The following SETDB1 variants were observed in gnomAD, a reference collection of about 807,000 sequenced individuals.
SETDB1 encodes histone-lysine N-methyltransferase SETDB1.
Under a neutral mutation model 137.4 loss-of-function variants are expected in SETDB1, and 31 were observed. The ratio of observed to expected loss-of-function variants is 0.23; its 90% CI spans 0.17 to 0.30. SETDB1 has a LOEUF of 0.30. SETDB1 is among the 10% of genes least tolerant of loss of function. SETDB1 has a pLI of 1.00. For synonymous variants in SETDB1, 548 were observed against 579.9 expected, an observed-to-expected ratio of 0.95 and a Z score of 0.79; for missense variants, 1,113 against 1,631.5, an observed-to-expected ratio of 0.68 and a Z score of 5.47.
chr1:150,956,249 G>A (rs4970932), intron 14 of SETDB1, among the ~76,000 whole-genome samples: 67,196 of 151,728 alleles, frequency 0.44, 15,952 homozygotes, highest in Non-Finnish European at 0.54. Flanking sequence ...AGCCATGTGC[G>A]GTGGCAGGCG....
rs964887435 is a variant in SETDB1 at position 150,962,609 on chromosome 1, T to C, written c.3184T>C (p.Tyr1062His). The change falls in exon 18 of 22, where the codon TAC becomes CAC. Residue 1062 changes from tyrosine (Y) to histidine (H), a missense_variant. Tyr to His is a moderately conservative substitution (Grantham distance 83). Transcript: ENST00000692827. ...MSVVTESSRN[Y>H]GYNPSPVKPE... ...TAGAGTTACTGAAAGCTCTCGAAAT[T>C]ACGGTTACAATCCTTCTCCTGTGAA... 6.2e-6 allele frequency: 10 copies of C among 1,613,972 alleles called. No individual in the cohort carries two copies. The highest frequency in any genetic ancestry group is 8.5e-6 in the Non-Finnish European group (10 of 1,179,956).
chr1:150,926,531 T>C lies in SETDB1; in HGVS notation c.-12+14T>C, dbSNP rs1553237649. On this transcript the variant is annotated intron_variant, in intron 1 of 21. Transcript: ENST00000692827. The stretch of plus-strand genomic sequence containing the variant: ...GGAAGACGGGAGGTGCGGGGAATAC[T>C]GTTGAGTTATTTGGTGACCAAAGGC... The C allele has an allele frequency of 1.4e-5, 5 of 352,706 alleles. No individual in the cohort carries two copies. 21.8% of individuals were successfully genotyped at this position (352,706 alleles called of 1,614,324 possible).
At chr1:150,942,165 G>C (rs1222884634) in intron 5 of SETDB1, among the ~76,000 whole-genome samples, 2 of 149,968 alleles carry the variant, frequency 1.3e-5, no homozygotes, top group East Asian at 3.9e-4. Flanking sequence ...AATTGGCCGG[G>C]CACAGTGGCT....
Position 150,942,556 on chromosome 1 carries a change from T to C in SETDB1, c.548-7T>C. The C allele has an allele frequency of 6.2e-7, 1 of 1,608,658 alleles. No homozygotes were observed. The highest frequency in any genetic ancestry group is 8.5e-7 in the Non-Finnish European group (1 of 1,177,862). On this transcript the variant is annotated splice_polypyrimidine_tract_variant and splice_region_variant and intron_variant, in intron 5 of 21. Coordinates refer to ENST00000692827, the MANE Select transcript of SETDB1 (RefSeq NM_001366418.1). ...AACTCTTGAGAATAACTTTGCTTCT[T>C]CTATAGGAACCTTGAGTCAGATGTC... is the stretch of plus-strand genomic sequence containing the variant.
chr1:150,927,593 T>G (rs368017238), intron 1 of SETDB1, 111 bp from the exon 2 acceptor site: 1 of 928,018 alleles, frequency 1.1e-6, no homozygotes, highest in Admixed American at 2.5e-5. Flanking sequence ...AATATTTGAA[T>G]AGAATAACAG....
intron 14 of SETDB1, 96 bp downstream of exon 14, chr1:150,951,577 G>A: frequency 3.1e-6 from 2 of 652,944 alleles, no homozygotes; most frequent in South Asian, 4.7e-5. Flanking sequence ...TCTAAAAATT[G>A]GAACCAAAAA....
intron 14 of SETDB1, among the ~76,000 whole-genome samples, chr1:150,958,568 T>C (rs138048679): frequency 9.9e-5 from 15 of 152,200 alleles, no homozygotes; most frequent in African/African-American, 2.9e-4. Context: ...TTCATTGTTA[T>C]GTTTCCAGTG....
In SETDB1 at chr1:150,964,015, G is replaced by C. The variant is rs1206930922; in HGVS notation, c.3693G>C (p.Leu1231=). The C allele has an allele frequency of 1.9e-6, 3 of 1,614,154 alleles. No individual in the cohort carries two copies. The highest frequency in any genetic ancestry group is 2.5e-6 in the Non-Finnish European group (3 of 1,180,014). ...TACAGCACAGTTGCAGCCCCAACCT[G>C]TTTGTCCAGAATGTCTTCGTGGATA... ...RYLNHSCSPN[L]FVQNVFVDTH... Residue 1231 remains leucine, a synonymous_variant, in exon 21 of 22, where the codon CTG becomes CTC. Coordinates refer to ENST00000692827, the MANE Select transcript of SETDB1 (RefSeq NM_001366418.1).
chr1:150,953,152 G>A (rs1412116320), intron 14 of SETDB1, among the ~76,000 whole-genome samples: 2 of 152,208 alleles, frequency 1.3e-5, no homozygotes, highest in African/African-American at 4.8e-5. Context: ...AGCTACTGAG[G>A]AGGGTGAGGC....
intron 3 of SETDB1, among the ~76,000 whole-genome samples, chr1:150,931,945 C>G (rs190975616): frequency 2.3e-3 from 344 of 151,902 alleles, no homozygotes; most frequent in Non-Finnish European, 3.8e-3. Flanking sequence ...CTCCTATGTT[C>G]CTTTTGTCTT....
rs189363438 is a variant in SETDB1, at chr1:150,960,977, C to T, written c.2918C>T (p.Ser973Phe). Residue 973 changes from serine to phenylalanine, a missense_variant, in exon 16 of 22, where the codon TCC becomes TTC. Ser to Phe is a radical substitution (Grantham distance 155). Coordinates refer to ENST00000692827, the MANE Select transcript of SETDB1 (RefSeq NM_001366418.1). Reference sequence around the variant, plus strand: ...CCTGTAGGTGGCTGCAATCCACCTTCCTCCGAAGAGACACCCAAGAACAAG... The same window carrying T: ...CCTGTAGGTGGCTGCAATCCACCTTTCTCCGAAGAGACACCCAAGAACAAG... ...SIPVGGCNPP[S>F]SEETPKNKVA... 16 of 1,614,064 alleles carry T rather than the reference C, an allele frequency of 9.9e-6. No individual in the cohort carries two copies. The Admixed American group carries it at 2.7e-4, about 27-fold the overall frequency.
chr1:150,950,354 C>T (rs1670461658), intron 12 of SETDB1, 104 bp from the exon 13 acceptor site: 4 of 992,002 alleles, frequency 4.0e-6, no homozygotes, highest in Admixed American at 2.3e-5. Flanking sequence ...TTCAGGAGCA[C>T]AGCTGTTTGA....
intron 1 of SETDB1, 136 bp downstream of exon 1, chr1:150,926,653 G>T: frequency 2.1e-6 from 1 of 484,522 alleles, no homozygotes; most frequent in Non-Finnish European, 4.2e-6. Flanking sequence ...CTGGGTTTGC[G>T]AATGGGTAGG....
chr1:150,948,892 T>A (rs1450107990), intron 10 of SETDB1, among the ~76,000 whole-genome samples: 1 of 151,958 alleles, frequency 6.6e-6, no homozygotes. Context: ...CTAATTTTTG[T>A]ATTTTTAGTA....
chr1:150,951,389 A>G lies in SETDB1; in HGVS notation c.2241A>G (p.Leu747=), dbSNP rs775996413. The change falls in exon 14 of 22, where the codon CTA becomes CTG. Residue 747 remains leucine (L), a synonymous_variant. Coordinates refer to ENST00000692827, the MANE Select transcript of SETDB1 (RefSeq NM_001366418.1). ...GGTCCAAGTGTGCCTGCCATCAACT[A>G]ACTATCCAGGCTACAGCCTGTACCC... is the stretch of plus-strand genomic sequence containing the variant. The part of the protein sequence containing the change: ...RDKSKCACHQ[L]TIQATACTPG... 2 of 1,613,098 alleles carry G rather than the reference A, an allele frequency of 1.2e-6. No individual in the cohort carries two copies. The highest frequency in any genetic ancestry group is 1.7e-6 in the Non-Finnish European group (2 of 1,179,080).
rs762126738 is a variant in SETDB1 at position 150,963,065 on chromosome 1, T to C, written c.3386T>C (p.Val1129Ala). 3.1e-6 allele frequency: 5 copies of C among 1,614,004 alleles called. No individual in the cohort carries two copies. The African/African-American group carries it at 5.3e-5, about 17-fold the overall frequency. The change falls in exon 19 of 22, where the codon GTT becomes GCT. Residue 1129 changes from valine to alanine, a missense_variant. By Grantham distance (64) the Val-to-Ala change is moderately conservative. Coordinates refer to ENST00000692827, the MANE Select transcript of SETDB1 (RefSeq NM_001366418.1). Reference protein sequence around the residue: ...PTAGQTSATAVDSDDIQTISS... With the variant: ...PTAGQTSATAADSDDIQTISS... ...GCTGGTCAGACTTCGGCTACAGCGG[T>C]TGACAGTGATGATATCCAGACCATA... is the stretch of plus-strand genomic sequence containing the variant.
intron 14 of SETDB1, among the ~76,000 whole-genome samples, chr1:150,953,199 C>T (rs1670546160): frequency 6.6e-6 from 1 of 152,088 alleles, no homozygotes; most frequent in Admixed American, 6.6e-5. Context: ...TGAGACCAGA[C>T]TGGGCAACAT....
chr1:150,929,754 T>G (rs1479630784), intron 2 of SETDB1, among the ~76,000 whole-genome samples: 2 of 152,154 alleles, frequency 1.3e-5, no homozygotes, highest in African/African-American at 4.8e-5. Context: ...GGGCTTACTT[T>G]GGATTTTTGA....
chr1:150,952,650 G>A (rs1318742815), intron 14 of SETDB1, among the ~76,000 whole-genome samples: 2 of 151,736 alleles, frequency 1.3e-5, no homozygotes, highest in African/African-American at 2.4e-5. Flanking sequence ...AGGCTGAGGC[G>A]GGCGGATCAC....
Sources: allele counts gnomAD v4.1 joint callset (sites outside exome capture counted in the v4.1 genomes callset), GRCh38; gene constraint gnomAD v4.1.1; transcripts MANE v1.5; gene names NCBI Gene and HGNC (gene_info 2026-07-23, HGNC 2026-07-21).